Variants in PEG3 observed in about 807,000 individuals in gnomAD.
PEG3 encodes paternally-expressed gene 3 protein.
In PEG3, 23 loss-of-function variants were observed where a neutral mutation model predicts 35.5. The ratio of observed to expected loss-of-function variants is 0.65; its 90% CI spans 0.47 to 0.92. The LOEUF (loss-of-function observed/expected upper bound fraction) is 0.92, where lower values mean the gene tolerates loss of function less well. Among genes scored for constraint, PEG3 ranks in the 40% least tolerant of loss-of-function variants. The pLI is 0.00. For missense variants in PEG3, 1,960 were observed against 1,985.3 expected (o/e 0.99, Z 0.24); for synonymous variants, 707 against 697.0 (o/e 1.01, Z -0.23).
intron 5 of PEG3, among the ~76,000 whole-genome samples, chr19:56,823,354 T>C (rs1265579614): frequency 6.6e-6 from 1 of 152,206 alleles, no homozygotes; most frequent in Non-Finnish European, 1.5e-5. Context: ...AAATTCCAAA[T>C]AGCTTTATAT....
At position 56,812,936 on chromosome 19, in the gene PEG3, TA is replaced by T; in HGVS notation, c.*738del. The T allele has an allele frequency of 1.0e-5, 10 of 985,768 alleles. No individual in the cohort carries two copies. The highest frequency in any genetic ancestry group is 9.6e-6 in the Non-Finnish European group (8 of 829,884). 61.1% of individuals were successfully genotyped at this position (985,768 alleles called of 1,614,324 possible). On this transcript the variant is annotated 3_prime_UTR_variant, in exon 10 of 10. Coordinates refer to ENST00000326441, the MANE Select transcript of PEG3 (RefSeq NM_006210.3). Reference sequence around the variant, plus strand: ...TCACAAAAAGCCAATCCGTATATTGTAAAGCCTTACACAGTATTAGGTTCCA... The same window carrying T: ...TCACAAAAAGCCAATCCGTATATTGTAAGCCTTACACAGTATTAGGTTCCA...
rs1291356156 is a variant in PEG3, at chr19:56,824,376, A to G, written c.280T>C (p.Tyr94His). 4 of 1,614,004 alleles carry G rather than the reference A, an allele frequency of 2.5e-6. No individual in the cohort carries two copies. The highest frequency in any genetic ancestry group is 1.3e-5 in the African/African-American group (1 of 74,922). The change falls in exon 4 of 10, where the codon TAC (tyrosine) becomes CAC (histidine). Residue 94 changes from tyrosine to histidine, a missense_variant. This residue lies in a region of PEG3 where 613 missense variants were observed against 577.1 expected (regional missense o/e 1.06). Coordinates refer to ENST00000326441, the MANE Select transcript of PEG3 (RefSeq NM_006210.3). ...AGCTTTTCAGGGATGATGGTCAGGTACTGCTCAAGGACCAAGAGCTCGATG... is the reference window on the plus strand; with the variant it reads ...AGCTTTTCAGGGATGATGGTCAGGTGCTGCTCAAGGACCAAGAGCTCGATG... ...EIIELLVLEQ[Y>H]LTIIPEKLKP...
At chr19:56,830,882 A>G (rs140921012) in intron 2 of PEG3, among the ~76,000 whole-genome samples, 266 of 152,228 alleles carry the variant, frequency 1.7e-3, no homozygotes, top group African/African-American at 4.8e-3. Context: ...GGCTAAGATC[A>G]TGCCCCTGCA....
intron 3 of PEG3, among the ~76,000 whole-genome samples, chr19:56,825,414 C>G (rs1249698057): frequency 1.3e-5 from 2 of 152,264 alleles, no homozygotes; most frequent in East Asian, 3.8e-4. Context: ...AAGGTCTAAT[C>G]TGTCTAAAAG....
In PEG3 at chr19:56,813,800, G is replaced by T. The variant is rs576263292; in HGVS notation, c.4642C>A (p.Arg1548Ser). The T allele has an allele frequency of 8.1e-6, 13 of 1,613,986 alleles. No individual in the cohort carries two copies. Among genetic ancestry groups the T allele is most frequent in the Non-Finnish European group, 5.9e-6 (7 of 1,180,026 alleles). ...AFGECSGYIERASTSTGGANQ... is the reference protein window; with the variant it reads ...AFGECSGYIESASTSTGGANQ... ...GCACCACCTGTGCTGGTGCTGGCACGTTCGATGTAGCCTGAGCACTCCCCA... is the reference window on the plus strand; with the variant it reads ...GCACCACCTGTGCTGGTGCTGGCACTTTCGATGTAGCCTGAGCACTCCCCA... The change falls in exon 10 of 10, where the codon CGT becomes AGT. Residue 1548 changes from arginine to serine, a missense_variant. Coordinates refer to ENST00000326441, the MANE Select transcript of PEG3 (RefSeq NM_006210.3).
At chr19:56,818,970 T>G (rs559789032) in intron 7 of PEG3, among the ~76,000 whole-genome samples, 3 of 152,278 alleles carry the variant, frequency 2.0e-5, no homozygotes, top group South Asian at 4.1e-4. Context: ...AAAAGACTCA[T>G]GAAACAATTA....
rs2059807192 is a variant in PEG3, at chr19:56,814,642, A to G, written c.3800T>C (p.Leu1267Ser). The G allele has an allele frequency of 6.2e-7, 1 of 1,614,046 alleles. No homozygotes were observed. The highest frequency in any genetic ancestry group is 8.5e-7 in the Non-Finnish European group (1 of 1,180,028). Reference protein sequence around the residue: ...QMAEEAIIPGLALTEFQRSQT... With the variant: ...QMAEEAIIPGSALTEFQRSQT... ...ACTTCTCTGAAACTCAGTGAGGGCTAAGCCTGGAATGATAGCTTCCTCAGC... is the reference window on the plus strand; with the variant it reads ...ACTTCTCTGAAACTCAGTGAGGGCTGAGCCTGGAATGATAGCTTCCTCAGC... The change falls in exon 10 of 10, where the codon TTA (leucine) becomes TCA (serine). Residue 1267 changes from leucine to serine, a missense_variant. Coordinates refer to ENST00000326441, the MANE Select transcript of PEG3 (RefSeq NM_006210.3). The surrounding 1 kb of genome is among the most constrained non-coding windows in gnomAD (Gnocchi z 5.8).
At position 56,811,477 on chromosome 19, in the gene PEG3, A is replaced by G; in HGVS notation, c.*2198T>C. The G allele has an allele frequency of 1.0e-6, 1 of 976,738 alleles. No homozygotes were observed. The highest frequency in any genetic ancestry group is 1.2e-6 in the Non-Finnish European group (1 of 822,046). 60.5% of individuals were successfully genotyped at this position (976,738 alleles called of 1,614,324 possible). On this transcript the variant is annotated 3_prime_UTR_variant, in exon 10 of 10. Coordinates refer to ENST00000326441, the MANE Select transcript of PEG3 (RefSeq NM_006210.3). ...TTATCATTTTTAAACAGTTGCATTA[A>G]GTGTCCACAGATAGGTTTAAACAAT...
At chr19:56,836,969 C>CAA (rs573566620) in intron 1 of PEG3, among the ~76,000 whole-genome samples, 2,019 of 116,476 alleles carry the variant, frequency 0.017, 89 homozygotes, top group East Asian at 0.034. Context: ...GACTCTGTCT[C>CAA]AAAAAAAAAA....
rs200286549 is a variant in PEG3 at position 56,817,304 on chromosome 19, T to C, written c.1138A>G (p.Thr380Ala). Residue 380 changes from threonine to alanine, a missense_variant, in exon 10 of 10, where the codon ACC becomes GCC. By Grantham distance (58) the Thr-to-Ala change is moderately conservative. This residue lies in a region of PEG3 where 613 missense variants were observed against 577.1 expected (regional missense o/e 1.06). Transcript: ENST00000326441. ...AFRGGFRFNS[T>A]LVSRKRVLER... ...AGAACTCTCTTTCTGGAAACAAGGG[T>C]TGAATTAAACCTAAAGCCTCCCCTA... 1.8e-4 allele frequency: 297 copies of C among 1,613,962 alleles called. 1 individual carries two copies. The highest frequency in any genetic ancestry group is 3.1e-4 in the East Asian group (14 of 44,880).
chr19:56,817,866 A>T, intron 8 of PEG3, 31 bp from the exon 9 acceptor site: 1 of 1,580,776 alleles, frequency 6.3e-7, no homozygotes, highest in Non-Finnish European at 8.7e-7. Flanking sequence ...ATGATGCCTC[A>T]AATTCAAGTT....
Position 56,815,247 on chromosome 19 carries a change from G to A in PEG3, c.3195C>T (p.Gly1065=), listed in dbSNP as rs150653574. 6.1e-4 allele frequency: 980 copies of A among 1,614,126 alleles called. 6 individuals carry two copies. In the African/African-American group the frequency reaches 8.7e-3, roughly 14 times the overall value. ...GGGTCTCCTCCCCATCAGTATTCTC[G>A]CCTTGAGACTCCTCGCCATGAGACT... ...QEKSHGEESQ[G]ENTDGEETHS... Residue 1065 remains glycine (G), a synonymous_variant, in exon 10 of 10, where the codon GGC becomes GGT. Coordinates refer to ENST00000326441, the MANE Select transcript of PEG3 (RefSeq NM_006210.3).
chr19:56,839,568 T>TA (rs1320334374), intron 1 of PEG3, among the ~76,000 whole-genome samples: 11 of 149,980 alleles, frequency 7.3e-5, no homozygotes, highest in African/African-American at 2.7e-4. Flanking sequence ...GGGCGGGGCC[T>TA]GAGTGGATAG....
intron 1 of PEG3, among the ~76,000 whole-genome samples, chr19:56,837,027 G>A (rs960279908): frequency 1.3e-5 from 2 of 148,874 alleles, no homozygotes; most frequent in Non-Finnish European, 3.0e-5. Flanking sequence ...GGAAGGAAGC[G>A]TCATATGTGT....
At position 56,812,077 on chromosome 19, in the gene PEG3, G is replaced by T. The variant is rs931795196; in HGVS notation, c.*1598C>A. 1.0e-6 allele frequency: 1 copy of T among 981,226 alleles called. No homozygotes were observed. The allele number at this position is 981,226 out of a possible 1,614,324, so 60.8% of individuals were successfully genotyped here. On this transcript the variant is annotated 3_prime_UTR_variant, in exon 10 of 10. Coordinates refer to ENST00000326441, the MANE Select transcript of PEG3 (RefSeq NM_006210.3). ...TTCCCCCAGTGGGTACTTTAATTTT[G>T]CTTGTTCAAATGATCTACACTTACA... is the stretch of plus-strand genomic sequence containing the variant.
At chr19:56,823,777 A>C (rs2146347443) in intron 4 of PEG3, 98 bp from the exon 5 acceptor site, 4 of 1,347,988 alleles carry the variant, frequency 3.0e-6, no homozygotes, top group Non-Finnish European at 3.2e-6. Flanking sequence ...ACAGACACAC[A>C]TGGTTGGAAT....
chr19:56,813,564 C>T lies in PEG3; in HGVS notation c.*111G>A. The T allele has an allele frequency of 2.7e-6, 4 of 1,459,876 alleles. No individual in the cohort carries two copies. The highest frequency in any genetic ancestry group is 2.5e-4 in the Middle Eastern group (1 of 3,930). 90.4% of individuals were successfully genotyped at this position (1,459,876 alleles called of 1,614,324 possible). A position where few individuals can be genotyped will look rare whatever the true frequency, so the allele number is the denominator to read the frequency against. On this transcript the variant is annotated 3_prime_UTR_variant, in exon 10 of 10. Transcript: ENST00000326441. ...TAGAGATGTTAAGTCAGGTGTGTAA[C>T]ACACTAAGGTTAAGTCTCCTACTGA...
At chr19:56,831,175 C>G (rs1489407909) in intron 2 of PEG3, among the ~76,000 whole-genome samples, 1 of 151,956 alleles carries the variant, frequency 6.6e-6, no homozygotes, top group South Asian at 2.1e-4. Flanking sequence ...GACTCCAACA[C>G]ACAAAAATAA....
chr19:56,829,831 C>T (rs750217716), intron 2 of PEG3, among the ~76,000 whole-genome samples: 22 of 152,228 alleles, frequency 1.4e-4, no homozygotes, highest in Non-Finnish European at 2.1e-4. Flanking sequence ...TCTGTGACAG[C>T]GAGTCTGGCC....
Sources: allele counts gnomAD v4.1 joint callset (sites outside exome capture counted in the v4.1 genomes callset), GRCh38; gene constraint gnomAD v4.1.1; regional missense constraint gnomAD v4.1.1; non-coding constraint Gnocchi (gnomAD v3.1); transcripts MANE v1.5; gene names NCBI Gene and HGNC (gene_info 2026-07-23, HGNC 2026-07-21).